LINGO2: variants seen among roughly 807,000 people sequenced by gnomAD.
LINGO2 encodes leucine-rich repeat and immunoglobulin-like domain-containing nogo receptor-interacting protein 2.
In LINGO2, 14 loss-of-function variants were observed where a neutral mutation model predicts 30.6. That is an observed-to-expected ratio of 0.46 (90% confidence interval 0.30 to 0.72). LINGO2 has a LOEUF of 0.72. LINGO2 is among the 30% of genes least tolerant of loss of function. The pLI is 0.07. For missense variants in LINGO2, 729 were observed against 751.7 expected, an observed-to-expected ratio of 0.97 and a Z score of 0.35; for synonymous variants, 317 against 288.5, an observed-to-expected ratio of 1.10 and a Z score of -1.00.
chr9:28,453,866 A>T (rs1312047242), intron 2 of LINGO2, among the ~76,000 whole-genome samples: 6 of 146,954 alleles, frequency 4.1e-5, no homozygotes, highest in Non-Finnish European at 8.8e-5. Context: ...TTAGTGGTTT[A>T]AAAAAAATCA....
the LINGO2 span, among the ~76,000 whole-genome samples, chr9:29,135,217 C>T: frequency 6.6e-6 from 1 of 152,080 alleles, no homozygotes; most frequent in Non-Finnish European, 1.5e-5. Context: ...AAACCTCATA[C>T]TCTTTCCCAA....
At chr9:28,750,550 G>T in the LINGO2 span, among the ~76,000 whole-genome samples, 1 of 151,976 alleles carries the variant, frequency 6.6e-6, no homozygotes, top group Non-Finnish European at 1.5e-5. Context: ...TTTACCACTT[G>T]CCAACCTGAT....
chr9:28,015,846 A>G (rs1281255312), intron 4 of LINGO2, among the ~76,000 whole-genome samples: 1 of 152,116 alleles, frequency 6.6e-6, no homozygotes, highest in Non-Finnish European at 1.5e-5. Context: ...TATATTGGAT[A>G]TAACTATGCA....
At chr9:29,117,978 C>T in the LINGO2 span, among the ~76,000 whole-genome samples, 1 of 152,182 alleles carries the variant, frequency 6.6e-6, no homozygotes, top group South Asian at 2.1e-4. Context: ...ATCAGGATCT[C>T]AGATCGCTGC....
chr9:28,803,652 T>C, the LINGO2 span, among the ~76,000 whole-genome samples: 7 of 151,978 alleles, frequency 4.6e-5, no homozygotes, highest in Non-Finnish European at 1.0e-4. Context: ...CCAGGCATGA[T>C]AAAACTCAGA....
Position 28,055,386 on chromosome 9 carries a change from T to C in LINGO2, c.-86-42981A>G, listed in dbSNP as rs571809017. ...CTCTAAACAAGCTTCAGCCAAGGAG[T>C]CTGAATGGCCAGGCTATTTTAGCTA... On this transcript the variant is annotated intron_variant, in intron 4 of 5. Coordinates refer to ENST00000379992, the Ensembl canonical transcript of LINGO2. 3.3e-5 allele frequency among the ~76,000 whole-genome samples: 5 copies of C among 152,096 alleles called. No individual in the cohort carries two copies. The East Asian group carries it at 9.7e-4, about 30-fold the overall frequency.
At chr9:29,176,980 T>C in the LINGO2 span, among the ~76,000 whole-genome samples, 1 of 152,156 alleles carries the variant, frequency 6.6e-6, no homozygotes, top group Non-Finnish European at 1.5e-5. Context: ...AGCCAGTCAG[T>C]TGGCCAAAGT....
At chr9:28,636,745 C>T (rs547586136) in intron 1 of LINGO2, among the ~76,000 whole-genome samples, 4 of 152,028 alleles carry the variant, frequency 2.6e-5, no homozygotes, top group African/African-American at 9.7e-5. Context: ...GAGTAGATTG[C>T]GAAAATTTTC....
At chr9:28,575,550 G>C (rs1202516581) in intron 1 of LINGO2, among the ~76,000 whole-genome samples, 5 of 152,066 alleles carry the variant, frequency 3.3e-5, no homozygotes, top group African/African-American at 9.7e-5. Flanking sequence ...GTTTCGAAGA[G>C]AGGAGGTGGG....
chr9:28,838,394 T>C, the LINGO2 span, among the ~76,000 whole-genome samples: 2 of 152,190 alleles, frequency 1.3e-5, no homozygotes, highest in African/African-American at 4.8e-5. Context: ...TTAAATATAT[T>C]AATACATATT....
intron 1 of LINGO2, among the ~76,000 whole-genome samples, chr9:28,504,723 A>C (rs147472484): frequency 6.6e-6 from 1 of 151,854 alleles, no homozygotes; most frequent in Admixed American, 6.6e-5. Flanking sequence ...AAAAATAGTC[A>C]TTGTAGGAAA....
intron 4 of LINGO2, among the ~76,000 whole-genome samples, chr9:28,258,521 T>C (rs954250517): frequency 2.0e-5 from 3 of 151,898 alleles, no homozygotes; most frequent in African/African-American, 7.2e-5. Flanking sequence ...CCCCACAAGA[T>C]TGTTAGAATT....
In LINGO2 at chr9:28,506,485, C is replaced by CATATATATATATAT. The variant is rs1491111372; in HGVS notation, c.-364-30461_-364-30460insATATATATATATAT. On this transcript the variant is annotated intron_variant, in intron 1 of 5. Transcript: ENST00000379992. ...ACATACACACACACACACACATACA[C>CATATATATATATAT]ATACACACACACACACAGACATATA... Among the ~76,000 whole-genome samples the CATATATATATATAT allele has an allele frequency of 2.3e-3, 166 of 73,340 alleles. 24 individuals carry two copies. Among genetic ancestry groups the CATATATATATATAT allele is most frequent in the East Asian group, 5.2e-3 (14 of 2,684 alleles). The allele number at this position is 73,340 out of a possible 152,430, so 48.1% of individuals were successfully genotyped here. A position where few individuals can be genotyped will look rare whatever the true frequency, so the allele number is the denominator to read the frequency against.
intron 4 of LINGO2, among the ~76,000 whole-genome samples, chr9:28,043,688 A>G (rs1485227879): frequency 3.3e-5 from 5 of 152,144 alleles, no homozygotes; most frequent in African/African-American, 7.2e-5. Context: ...ATTTTGCTCA[A>G]TGATCAATTT....
intron 5 of LINGO2, among the ~76,000 whole-genome samples, chr9:27,998,921 A>C (rs1821803728): frequency 6.6e-6 from 1 of 152,130 alleles, no homozygotes. Flanking sequence ...CAAATTTTAA[A>C]AATACTCTAA....
At chr9:28,058,025 A>G (rs771964084) in intron 4 of LINGO2, among the ~76,000 whole-genome samples, 42 of 152,142 alleles carry the variant, frequency 2.8e-4, no homozygotes, top group Non-Finnish European at 5.0e-4. Flanking sequence ...CCATGATTTG[A>G]TAATTTTTAT....
the LINGO2 span, among the ~76,000 whole-genome samples, chr9:29,135,386 CG>C: frequency 8.6e-5 from 13 of 151,712 alleles, no homozygotes; most frequent in Non-Finnish European, 1.9e-4. Context: ...GGTGAAACCC[CG>C]TCTCTACTAA....
chr9:28,159,135 T>C (rs989624820), intron 4 of LINGO2, among the ~76,000 whole-genome samples: 2 of 152,204 alleles, frequency 1.3e-5, no homozygotes, highest in Admixed American at 6.5e-5. Context: ...AAATGGTGAT[T>C]ATGAATATTT....
the LINGO2 span, among the ~76,000 whole-genome samples, chr9:28,881,498 CAAAAATACAG>C: frequency 6.6e-6 from 1 of 151,410 alleles, no homozygotes; most frequent in Admixed American, 6.6e-5. Context: ...TTTTAATTTT[CAAAAATACAG>C]AAAAATACTT....
Sources: gnomAD v4.1 joint callset for allele counts (sites outside exome capture counted in the v4.1 genomes callset) on GRCh38, gnomAD v4.1.1 for gene constraint, MANE v1.5 for transcripts, NCBI Gene and HGNC (gene_info 2026-07-23, HGNC 2026-07-21) for gene names.